The following TMEM62 variants were observed in gnomAD, a reference collection of about 807,000 sequenced individuals.
The protein encoded by TMEM62 is transmembrane protein 62.
Under a neutral mutation model 70.4 loss-of-function variants are expected in TMEM62, and 41 were observed. That is an observed-to-expected ratio of 0.58 (90% CI 0.45 to 0.76). The LOEUF (loss-of-function observed/expected upper bound fraction) is 0.76, where lower values mean the gene tolerates loss of function less well. Ranked by LOEUF, TMEM62 falls within the 30% of genes least tolerant of loss-of-function variation. The probability of loss-of-function intolerance (pLI) is 0.00; values close to 1 mark genes in which losing one functional copy is unlikely to be tolerated. For missense variants in TMEM62, 688 were observed against 788.5 expected, an observed-to-expected ratio of 0.87 and a Z score of 1.53; for synonymous variants, 268 against 291.0, an observed-to-expected ratio of 0.92 and a Z score of 0.80.
rs897108725 is a variant in TMEM62, at chr15:43,185,001, C to A, written c.*415C>A. The stretch of plus-strand genomic sequence containing the variant: ...AAGGTGCAATTTCAGGGGCAGGGAA[C>A]CTTTGAGGATCTGGGCCCGACCCTC... On this transcript the variant is annotated 3_prime_UTR_variant, in exon 14 of 14. Coordinates refer to ENST00000260403, the MANE Select transcript of TMEM62 (RefSeq NM_024956.4). 2 of 249,226 alleles carry A rather than the reference C, an allele frequency of 8.0e-6. No individual in the cohort carries two copies. The highest frequency in any genetic ancestry group is 1.4e-3 in the Middle Eastern group (1 of 692). 15.4% of individuals were successfully genotyped at this position (249,226 alleles called of 1,614,324 possible).
intron 12 of TMEM62, among the ~76,000 whole-genome samples, chr15:43,180,441 A>G (rs1240458467): frequency 1.3e-5 from 2 of 152,144 alleles, no homozygotes; most frequent in African/African-American, 4.8e-5. Context: ...GCATTTTGCA[A>G]ACGGAAATCT....
chr15:43,161,817 C>T (rs1235524772), intron 10 of TMEM62, among the ~76,000 whole-genome samples: 3 of 151,856 alleles, frequency 2.0e-5, no homozygotes, highest in Non-Finnish European at 2.9e-5. Context: ...CCTGCCACCA[C>T]GCCCAGCTAA....
intron 10 of TMEM62, 58 bp downstream of exon 10, chr15:43,160,852 A>G (rs1487913227): frequency 5.0e-6 from 5 of 1,001,398 alleles, no homozygotes; most frequent in African/African-American, 1.7e-5. Flanking sequence ...AATAATATAC[A>G]GTAGTCCTCC....
At chr15:43,181,770 A>G (rs1201525032) in intron 13 of TMEM62, among the ~76,000 whole-genome samples, 1 of 152,212 alleles carries the variant, frequency 6.6e-6, no homozygotes, top group African/African-American at 2.4e-5. Flanking sequence ...CGAAAGTGCT[A>G]GGATTATAGG....
chr15:43,160,878 A>C, intron 10 of TMEM62, 84 bp downstream of exon 10: 1 of 673,108 alleles, frequency 1.5e-6, no homozygotes, highest in Non-Finnish European at 2.3e-6. Context: ...CCATGATTTC[A>C]CTTTCCATGG....
intron 10 of TMEM62, among the ~76,000 whole-genome samples, chr15:43,163,055 T>C (rs2038948930): frequency 6.6e-6 from 1 of 151,928 alleles, no homozygotes; most frequent in African/African-American, 2.4e-5. Context: ...TCAATAAATA[T>C]TTCTTAAATG....
intron 10 of TMEM62, among the ~76,000 whole-genome samples, chr15:43,166,931 T>C (rs1183084163): frequency 3.9e-5 from 6 of 152,170 alleles, no homozygotes; most frequent in Non-Finnish European, 7.4e-5. Context: ...CTCCCATGTC[T>C]ACCTCTTTCT....
In TMEM62 at chr15:43,133,878, T is replaced by C; in HGVS notation, c.76T>C (p.Tyr26His). The C allele has an allele frequency of 6.7e-7, 1 of 1,500,650 alleles. No homozygotes were observed. The highest frequency in any genetic ancestry group is 8.8e-7 in the Non-Finnish European group (1 of 1,133,188). 93.0% of individuals were successfully genotyped at this position (1,500,650 alleles called of 1,614,324 possible). ...GCTGGTGGCCATGCTCTTGGAGCACTACGGCCTGGCGGGCCAGCCCTCGCC... is the reference window on the plus strand; with the variant it reads ...GCTGGTGGCCATGCTCTTGGAGCACCACGGCCTGGCGGGCCAGCCCTCGCC... ...AALVAMLLEH[Y>H]GLAGQPSPLP... Residue 26 changes from tyrosine (Y) to histidine (H), a missense_variant, in exon 1 of 14, where the codon TAC becomes CAC. Tyr to His is a moderately conservative substitution (Grantham distance 83, BLOSUM62 2). Transcript: ENST00000260403.
At chr15:43,171,994 G>A (rs2040248500) in intron 11 of TMEM62, among the ~76,000 whole-genome samples, 1 of 151,918 alleles carries the variant, frequency 6.6e-6, no homozygotes, top group South Asian at 2.1e-4. Flanking sequence ...ATTTTGAACT[G>A]TTATATATTA....
At chr15:43,161,331 A>G (rs1325512138) in intron 10 of TMEM62, among the ~76,000 whole-genome samples, 1 of 152,242 alleles carries the variant, frequency 6.6e-6, no homozygotes, top group Non-Finnish European at 1.5e-5. Flanking sequence ...TAAGGGAATT[A>G]TAACAAAGGA....
chr15:43,157,709 C>T (rs1596282299), intron 9 of TMEM62, among the ~76,000 whole-genome samples: 1 of 152,140 alleles, frequency 6.6e-6, no homozygotes, highest in South Asian at 2.1e-4. Context: ...GTAAATATGT[C>T]AATATTTATC....
intron 4 of TMEM62, among the ~76,000 whole-genome samples, chr15:43,141,514 G>A (rs754355647): frequency 4.6e-5 from 7 of 152,184 alleles, no homozygotes; most frequent in Non-Finnish European, 1.0e-4. Flanking sequence ...ACCTGGTCAC[G>A]CAAGAGCTCT....
intron 10 of TMEM62, among the ~76,000 whole-genome samples, chr15:43,166,746 T>A (rs2039466389): frequency 6.6e-6 from 1 of 151,870 alleles, no homozygotes; most frequent in Non-Finnish European, 1.5e-5. Flanking sequence ...GATTAGGGAG[T>A]GGTGATGCCT....
intron 9 of TMEM62, among the ~76,000 whole-genome samples, chr15:43,156,312 C>T (rs1224003462): frequency 3.9e-5 from 6 of 151,970 alleles, no homozygotes; most frequent in Non-Finnish European, 2.9e-5. Flanking sequence ...GTAGTTTTAC[C>T]CTTGGTTTGT....
intron 9 of TMEM62, among the ~76,000 whole-genome samples, chr15:43,160,153 G>C (rs1434953208): frequency 3.9e-5 from 6 of 151,932 alleles, no homozygotes; most frequent in Non-Finnish European, 7.4e-5. Context: ...ATTTTTAGTA[G>C]AGATGGGGTT....
At position 43,134,377 on chromosome 15, in the gene TMEM62, G is replaced by T. The variant is rs747712007; in HGVS notation, c.292+9G>T. 2 of 1,602,568 alleles carry T rather than the reference G, an allele frequency of 1.2e-6. No homozygotes were observed. The highest frequency in any genetic ancestry group is 1.3e-5 in the African/African-American group (1 of 74,698). ...TCTCGTCCTAGCAACAGGTAGGGAG[G>T]CTTGCCGTGCTGTGGTGGTGGTCTG... On this transcript the variant is annotated intron_variant, in intron 2 of 13. Transcript: ENST00000260403.
intron 3 of TMEM62, among the ~76,000 whole-genome samples, chr15:43,137,278 TG>T (rs2035360085): frequency 6.6e-6 from 1 of 152,258 alleles, no homozygotes; most frequent in Non-Finnish European, 1.5e-5. Flanking sequence ...ATCCACTTCT[TG>T]CTGGCTTTTA....
At chr15:43,141,758 TA>T (rs1312385677) in intron 4 of TMEM62, among the ~76,000 whole-genome samples, 8 of 152,278 alleles carry the variant, frequency 5.3e-5, no homozygotes, top group African/African-American at 1.7e-4. Context: ...CAGTTGCAAT[TA>T]ATGGGAGGAG....
intron 12 of TMEM62, 63 bp downstream of exon 12, chr15:43,178,774 T>C (rs915680937): frequency 2.8e-5 from 27 of 956,550 alleles, no homozygotes; most frequent in East Asian, 1.3e-4. Context: ...ATTTTGACAA[T>C]AGAATTAGAC....
Sources: gnomAD v4.1 joint callset for allele counts (sites outside exome capture counted in the v4.1 genomes callset) on GRCh38, gnomAD v4.1.1 for gene constraint, MANE v1.5 for transcripts, NCBI Gene and HGNC (gene_info 2026-07-23, HGNC 2026-07-21) for gene names.